The following KPNA2 variants were observed in gnomAD, a reference collection of about 807,000 sequenced individuals.
The protein encoded by KPNA2 is karyopherin subunit alpha 2, also known as importin subunit alpha-1.
A neutral mutation model predicts 53.7 loss-of-function variants in KPNA2; 20 were observed. The observed-to-expected ratio is 0.37, with a 90% CI of 0.26 to 0.54. The LOEUF is 0.54. Ranked by LOEUF, KPNA2 falls within the 20% of genes least tolerant of loss-of-function variation. The pLI is 0.83. For missense variants in KPNA2, 515 were observed against 640.3 expected, an observed-to-expected ratio of 0.80 and a Z score of 2.11; for synonymous variants, 238 against 227.5, an observed-to-expected ratio of 1.05 and a Z score of -0.42.
chr17:68,044,367 A>C lies in KPNA2; in HGVS notation c.1211A>C (p.Tyr404Ser), dbSNP rs1555705135. The change falls in exon 9 of 11, where the codon TAT (tyrosine) becomes TCT (serine). Residue 404 changes from tyrosine to serine, a missense_variant. Tyr to Ser is a moderately radical substitution (Grantham distance 144, BLOSUM62 -2). Coordinates refer to ENST00000330459, the MANE Select transcript of KPNA2 (RefSeq NM_002266.4). ...QKEAVWAVTN[Y>S]TSGGTVEQIV... ...GAAGCTGTGTGGGCCGTGACCAACT[A>C]TACCAGTGGTGGAACAGTTGAACAG... The C allele has an allele frequency of 6.2e-7, 1 of 1,614,088 alleles. No individual in the cohort carries two copies. Among genetic ancestry groups the C allele is most frequent in the Admixed American group, 1.7e-5 (1 of 60,018 alleles).
intron 5 of KPNA2, 58 bp from the exon 6 acceptor site, chr17:68,042,847 G>C (rs1157065383): frequency 1.4e-5 from 19 of 1,332,798 alleles, no homozygotes; most frequent in Non-Finnish European, 2.0e-5. Flanking sequence ...CTGGGCGACA[G>C]AGAGAAACTC....
At position 68,039,831 on chromosome 17, in the gene KPNA2, G is replaced by T. The variant is rs547500326; in HGVS notation, c.214-847G>T. On this transcript the variant is annotated intron_variant, in intron 3 of 10. Coordinates refer to ENST00000330459, the MANE Select transcript of KPNA2 (RefSeq NM_002266.4). ...CTCATGCCTGTAATTCCAGCACTTTGGGAGGCTGAGGCAGGTGGATCACCT... is the reference window on the plus strand; with the variant it reads ...CTCATGCCTGTAATTCCAGCACTTTTGGAGGCTGAGGCAGGTGGATCACCT... Among the ~76,000 whole-genome samples the T allele has an allele frequency of 3.3e-3, 504 of 151,064 alleles. 1 individual carries two copies. Among genetic ancestry groups the T allele is most frequent in the African/African-American group, 0.012 (473 of 41,082 alleles).
rs781888792 is a variant in KPNA2, at chr17:68,045,799, A to G, written c.1375A>G (p.Lys459Glu). The change falls in exon 10 of 11, where the codon AAA (lysine) becomes GAA (glutamate). Residue 459 changes from lysine to glutamate, a missense_variant. Transcript: ENST00000330459. Reference protein sequence around the residue: ...QAAEKLGETEKLSIMIEECGG... With the variant: ...QAAEKLGETEELSIMIEECGG... ...TGCTGAGAAACTAGGTGAAACTGAG[A>G]AACTTAGTATAATGATTGAAGAATG... 6.3e-7 allele frequency: 1 copy of G among 1,588,432 alleles called. No individual in the cohort carries two copies. The highest frequency in any genetic ancestry group is 1.4e-5 in the African/African-American group (1 of 73,448).
rs199567873 is a variant in KPNA2 at position 68,043,084 on chromosome 17, AT to A, written c.667-8del. 1.6e-4 allele frequency: 260 copies of A among 1,612,568 alleles called. 1 individual carries two copies. The highest frequency in any genetic ancestry group is 8.2e-4 in the Middle Eastern group (5 of 6,062). ...CAAAAGACAGAACCTCTCATTGCCT[AT>A]TTTTTTTCCCCCAGTGTGGCTACTT... is the stretch of plus-strand genomic sequence containing the variant. On this transcript the variant is annotated splice_polypyrimidine_tract_variant and intron_variant, in intron 6 of 10. Coordinates refer to ENST00000330459, the MANE Select transcript of KPNA2 (RefSeq NM_002266.4).
Position 68,040,678 on chromosome 17 carries a change from G to C in KPNA2, c.214G>C (p.Gly72Arg). ...GTGCAAACTTTCACTTTTCTTCTAG[G>C]GCACTGTAAATTGGTCTGTTGATGA... ...SPLQENRNNQ[G>R]TVNWSVDDIV... The change falls in exon 4 of 11, where the codon GGC (glycine) becomes CGC (arginine). Residue 72 changes from glycine (G) to arginine (R), a missense_variant and splice_region_variant. Coordinates refer to ENST00000330459, the MANE Select transcript of KPNA2 (RefSeq NM_002266.4). 4 of 1,601,172 alleles carry C rather than the reference G, an allele frequency of 2.5e-6. No individual in the cohort carries two copies. The highest frequency in any genetic ancestry group is 3.4e-6 in the Non-Finnish European group (4 of 1,169,556).
At chr17:68,039,918 C>CA (rs782243176) in intron 3 of KPNA2, among the ~76,000 whole-genome samples, 7,067 of 138,182 alleles carry the variant, frequency 0.051, 426 homozygotes, top group African/African-American at 0.15. Flanking sequence ...ACTAAAAATA[C>CA]AAAAAAAAAA....
At chr17:68,039,248 G>A (rs1555704187) in intron 3 of KPNA2, among the ~76,000 whole-genome samples, 2 of 151,758 alleles carry the variant, frequency 1.3e-5, no homozygotes, top group Non-Finnish European at 2.9e-5. Flanking sequence ...AGCCTCCCAA[G>A]TAGCTGGGAT....
At chr17:68,043,598 C>T (rs1296416706) in intron 7 of KPNA2, among the ~76,000 whole-genome samples, 3 of 151,082 alleles carry the variant, frequency 2.0e-5, no homozygotes, top group Non-Finnish European at 2.9e-5. Flanking sequence ...CTCAACTACT[C>T]GGGAGGCTAA....
rs1568277524 is a variant in KPNA2 at position 68,043,821 on chromosome 17, T to TA, written c.931-16dup. The TA allele has an allele frequency of 2.1e-6, 3 of 1,423,120 alleles. No homozygotes were observed. The allele number at this position is 1,423,120 out of a possible 1,614,324, so 88.2% of individuals were successfully genotyped here. ...GGGGAAAAAATAACCAGCATCAACA[T>TA]ATTTTTTTTTTTTCAGACTCCTGCC... On this transcript the variant is annotated splice_polypyrimidine_tract_variant and intron_variant, in intron 7 of 10. Transcript: ENST00000330459.
At chr17:68,038,067 C>CCCGGGTT (rs1555704020) in intron 3 of KPNA2, among the ~76,000 whole-genome samples, 1 of 152,000 alleles carries the variant, frequency 6.6e-6, no homozygotes, top group Non-Finnish European at 1.5e-5. Flanking sequence ...AGCTCCATCT[C>CCCGGGTT]CCGGGTTCAC....
chr17:68,043,295 A>T lies in KPNA2; in HGVS notation c.862A>T (p.Met288Leu), dbSNP rs560409056. Reference sequence around the variant, plus strand: ...TGATGGTCCAAATGAACGAATTGGCATGGTGGTGAAAACAGGAGTTGTGCC... The same window carrying T: ...TGATGGTCCAAATGAACGAATTGGCTTGGTGGTGAAAACAGGAGTTGTGCC... The part of the protein sequence containing the change: ...LTDGPNERIG[M>L]VVKTGVVPQL... Residue 288 changes from methionine (M) to leucine (L), a missense_variant, in exon 7 of 11, where the codon ATG becomes TTG. Transcript: ENST00000330459. The T allele has an allele frequency of 1.2e-5, 20 of 1,614,194 alleles. 1 individual carries two copies. The highest frequency in any genetic ancestry group is 6.7e-5 in the Admixed American group (4 of 60,028).
At chr17:68,039,728 C>T (rs62084692) in intron 3 of KPNA2, among the ~76,000 whole-genome samples, 30,398 of 150,092 alleles carry the variant, frequency 0.2, 3,949 homozygotes, top group East Asian at 0.66. Flanking sequence ...GGTGGTGAGC[C>T]GAGATCACGC....
chr17:68,046,042 G>T (rs569662984), intron 10 of KPNA2, 121 bp downstream of exon 10: 6 of 619,840 alleles, frequency 9.7e-6, no homozygotes, highest in Non-Finnish European at 1.6e-5. Context: ...ATATCAGTGT[G>T]CATGGGACAT....
At chr17:68,036,689 CAA>C (rs1484645122) in intron 1 of KPNA2, 1 of 182,430 alleles carries the variant, frequency 5.5e-6, no homozygotes, top group Non-Finnish European at 1.1e-5. Flanking sequence ...TTAAAGTACA[CAA>C]AAGATTTCAA....
At chr17:68,046,008 CAT>C (rs1268922381) in intron 10 of KPNA2, 87 bp downstream of exon 10, 1 of 832,854 alleles carries the variant, frequency 1.2e-6, no homozygotes, top group Admixed American at 2.7e-5. Flanking sequence ...AAATAAGTGT[CAT>C]ATCTTTGTTA....
At chr17:68,037,981 G>A (rs1555704011) in intron 3 of KPNA2, among the ~76,000 whole-genome samples, 1 of 151,508 alleles carries the variant, frequency 6.6e-6, no homozygotes, top group African/African-American at 2.4e-5. Flanking sequence ...GTATTTTTTT[G>A]TTTTTGTTTC....
At chr17:68,040,125 A>G (rs1274164461) in intron 3 of KPNA2, among the ~76,000 whole-genome samples, 1 of 152,014 alleles carries the variant, frequency 6.6e-6, no homozygotes, top group Non-Finnish European at 1.5e-5. Context: ...CTATGACTTC[A>G]TGTCTTTCTC....
intron 8 of KPNA2, 62 bp from the exon 9 acceptor site, chr17:68,044,259 T>G: frequency 1.3e-6 from 2 of 1,486,952 alleles, no homozygotes; most frequent in Non-Finnish European, 1.8e-6. Flanking sequence ...TGTGAAAAAG[T>G]ACTCTTGGAA....
At position 68,037,378 on chromosome 17, in the gene KPNA2, A is replaced by C; in HGVS notation, c.96A>C (p.Ile32=). 1 of 1,613,918 alleles carries C rather than the reference A, an allele frequency of 6.2e-7. No individual in the cohort carries two copies. Among genetic ancestry groups the C allele is most frequent in the Non-Finnish European group, 8.5e-7 (1 of 1,179,930 alleles). ...TCAAGGAAATGAGGCGTCGCAGAAT[A>C]GAGGTCAATGTGGAGCTGAGGAAAG... ...KDSTEMRRRR[I]EVNVELRKAK... The change falls in exon 3 of 11, where the codon ATA becomes ATC. Residue 32 remains isoleucine, a synonymous_variant. Coordinates refer to ENST00000330459, the MANE Select transcript of KPNA2 (RefSeq NM_002266.4).
Sources: allele counts gnomAD v4.1 joint callset (sites outside exome capture counted in the v4.1 genomes callset), GRCh38; gene constraint gnomAD v4.1.1; transcripts MANE v1.5; gene names NCBI Gene and HGNC (gene_info 2026-07-23, HGNC 2026-07-21).